FHIT: variants seen among roughly 807,000 people sequenced by gnomAD.
The protein encoded by FHIT is bis(5'-adenosyl)-triphosphatase.
In FHIT, 19 loss-of-function variants were observed where a neutral mutation model predicts 17.9. The observed-to-expected ratio is 1.06, with a 90% CI of 0.74 to 1.56. FHIT has a LOEUF of 1.56. FHIT is among the 40% of genes most tolerant of loss of function. FHIT has a pLI of 0.00. For synonymous variants in FHIT, 81 were observed against 69.7 expected, an observed-to-expected ratio of 1.16 and a Z score of -0.81; for missense variants, 248 against 189.2, an observed-to-expected ratio of 1.31 and a Z score of -1.82.
intron 7 of FHIT, among the ~76,000 whole-genome samples, chr3:59,947,121 G>T (rs1706848108): frequency 6.6e-6 from 1 of 152,176 alleles, no homozygotes; most frequent in Non-Finnish European, 1.5e-5. Context: ...AGTAGAATTT[G>T]GCTGTGAATC....
intron 4 of FHIT, among the ~76,000 whole-genome samples, chr3:60,787,083 A>G (rs1700607918): frequency 1.3e-5 from 2 of 151,962 alleles, no homozygotes; most frequent in Non-Finnish European, 2.9e-5. Flanking sequence ...TTATTGTGTG[A>G]TATATTATTT....
intron 4 of FHIT, among the ~76,000 whole-genome samples, chr3:60,803,455 A>C (rs1209499706): frequency 3.9e-5 from 6 of 152,300 alleles, no homozygotes; most frequent in African/African-American, 1.4e-4. Flanking sequence ...ATTCACGTTC[A>C]TTCAGCTCTT....
At chr3:60,378,627 C>A (rs1040371612) in intron 5 of FHIT, among the ~76,000 whole-genome samples, 13 of 152,222 alleles carry the variant, frequency 8.5e-5, no homozygotes, top group Admixed American at 7.8e-4. Flanking sequence ...GAACAACCTA[C>A]ACAGATTTAA....
At chr3:61,066,478 A>G (rs6808912) in intron 2 of FHIT, among the ~76,000 whole-genome samples, 83,850 of 151,906 alleles carry the variant, frequency 0.55, 24,239 homozygotes, top group Non-Finnish European at 0.65. Context: ...AGCCTTGCGT[A>G]GTGACATACA....
intron 5 of FHIT, among the ~76,000 whole-genome samples, chr3:60,291,840 C>T (rs1241496105): frequency 6.6e-6 from 1 of 152,004 alleles, no homozygotes; most frequent in Non-Finnish European, 1.5e-5. Flanking sequence ...AAGATTGGAG[C>T]CAGAGTGCCA....
At chr3:60,069,151 T>C (rs1457643144) in intron 5 of FHIT, among the ~76,000 whole-genome samples, 1 of 152,130 alleles carries the variant, frequency 6.6e-6, no homozygotes, top group East Asian at 1.9e-4. Context: ...TATTAAGTCA[T>C]GAAACAGTGC....
chr3:61,004,882 T>A (rs919086743), intron 3 of FHIT, among the ~76,000 whole-genome samples: 4 of 152,238 alleles, frequency 2.6e-5, no homozygotes, highest in African/African-American at 9.6e-5. Context: ...CAAACATACC[T>A]CAAACATAGT....
At chr3:60,632,197 T>C (rs887828660) in intron 4 of FHIT, among the ~76,000 whole-genome samples, 33 of 152,150 alleles carry the variant, frequency 2.2e-4, no homozygotes, top group African/African-American at 7.7e-4. Context: ...TCTTAAATGA[T>C]TGGTTCCTCT....
At chr3:61,175,623 G>A (rs1305481770) in intron 2 of FHIT, among the ~76,000 whole-genome samples, 3 of 152,080 alleles carry the variant, frequency 2.0e-5, no homozygotes, top group Non-Finnish European at 2.9e-5. Flanking sequence ...TCATGAGGGC[G>A]AGGCTCTCAT....
At chr3:59,961,379 T>G (rs1175614031) in intron 7 of FHIT, among the ~76,000 whole-genome samples, 1 of 151,890 alleles carries the variant, frequency 6.6e-6, no homozygotes, top group Non-Finnish European at 1.5e-5. Context: ...CCTGGTTCCA[T>G]AAGGAAAAAA....
chr3:60,122,095 G>A (rs922277109), intron 5 of FHIT, among the ~76,000 whole-genome samples: 1 of 149,452 alleles, frequency 6.7e-6, no homozygotes, highest in African/African-American at 2.5e-5. Context: ...CTTTTCTTCA[G>A]AAGAGAAATT....
chr3:60,803,788 C>T (rs1232280398), intron 4 of FHIT, among the ~76,000 whole-genome samples: 3 of 152,126 alleles, frequency 2.0e-5, no homozygotes, highest in South Asian at 2.1e-4. Flanking sequence ...GGGAGCAATG[C>T]GATTTTTGGT....
chr3:60,768,607 C>A (rs1699930335), intron 4 of FHIT, among the ~76,000 whole-genome samples: 1 of 152,188 alleles, frequency 6.6e-6, no homozygotes, highest in South Asian at 2.1e-4. Flanking sequence ...TTTTTTGATT[C>A]AGTGAATACC....
intron 8 of FHIT, among the ~76,000 whole-genome samples, chr3:59,800,322 TG>T (rs1699943041): frequency 6.6e-6 from 1 of 152,202 alleles, no homozygotes; most frequent in African/African-American, 2.4e-5. Context: ...GTTCTCATTC[TG>T]GAACTCAACA....
intron 5 of FHIT, among the ~76,000 whole-genome samples, chr3:60,220,261 C>G (rs375163158): frequency 2.0e-5 from 3 of 152,066 alleles, no homozygotes; most frequent in African/African-American, 7.2e-5. Context: ...TGTCAAAAAT[C>G]AGACCTGATA....
intron 7 of FHIT, among the ~76,000 whole-genome samples, chr3:59,939,886 G>GA (rs1380945531): frequency 6.6e-6 from 1 of 152,178 alleles, no homozygotes; most frequent in Non-Finnish European, 1.5e-5. Flanking sequence ...TAGCTGGCAT[G>GA]AATGTGTAAA....
chr3:60,057,804 C>T (rs1331842022), intron 5 of FHIT, among the ~76,000 whole-genome samples: 5 of 152,060 alleles, frequency 3.3e-5, no homozygotes, highest in African/African-American at 7.2e-5. Context: ...TCCCTAGTTC[C>T]TGTTTTCTTA....
chr3:60,091,263 G>C (rs6446109), intron 5 of FHIT, among the ~76,000 whole-genome samples: 143,247 of 152,276 alleles, frequency 0.94, 67,423 homozygotes, highest in East Asian at 0.98. Context: ...AAGGACATAT[G>C]AGTTTGTTAT....
At chr3:60,935,142 C>T (rs1708133603) in intron 3 of FHIT, among the ~76,000 whole-genome samples, 1 of 152,176 alleles carries the variant, frequency 6.6e-6, no homozygotes, top group African/African-American at 2.4e-5. Flanking sequence ...AAATCTTAAT[C>T]TGAGTGTCAG....
Sources: gnomAD v4.1 joint callset for allele counts (sites outside exome capture counted in the v4.1 genomes callset) on GRCh38, gnomAD v4.1.1 for gene constraint, MANE v1.5 for transcripts, NCBI Gene and HGNC (gene_info 2026-07-23, HGNC 2026-07-21) for gene names.